The following STMN4 variants were observed in gnomAD, a reference collection of about 807,000 sequenced individuals.
The protein encoded by STMN4 is stathmin 4.
A neutral mutation model predicts 29.1 loss-of-function variants in STMN4; 12 were observed. The ratio of observed to expected loss-of-function variants is 0.41; its 90% confidence interval spans 0.26 to 0.67. The LOEUF (loss-of-function observed/expected upper bound fraction) is 0.67, where lower values mean the gene tolerates loss of function less well. Ranked by LOEUF, STMN4 falls within the 30% of genes least tolerant of loss-of-function variation. The pLI is 0.30. For missense variants in STMN4, 181 were observed against 262.8 expected, an observed-to-expected ratio of 0.69 and a Z score of 2.15; for synonymous variants, 114 against 105.3, an observed-to-expected ratio of 1.08 and a Z score of -0.51.
chr8:27,243,671 G>T, intron 2 of STMN4, 40 bp downstream of exon 2: 1 of 1,595,512 alleles, frequency 6.3e-7, no homozygotes, highest in Non-Finnish European at 8.6e-7. Context: ...AGGGCAGGGG[G>T]AATAGCCTAC....
intron 2 of STMN4, 84 bp from the exon 3 acceptor site, chr8:27,242,576 G>T: frequency 7.1e-7 from 1 of 1,408,192 alleles, no homozygotes; most frequent in Non-Finnish European, 9.9e-7. Flanking sequence ...GCTCTGAGCA[G>T]CCCAGGGTTC....
chr8:27,242,427 G>C lies in STMN4; in HGVS notation c.79C>G (p.Pro27Ala), dbSNP rs188049311. ...SLFCSCFLAD[P>A]LNKSSYKYEG... ...TATTTGTAGGACGACTTATTCAGGG[G>C]ATCGGCCAGGAAGCAGGAGCAGAAC... The change falls in exon 3 of 7, where the codon CCC becomes GCC. Residue 27 changes from proline (P) to alanine (A), a missense_variant. Pro to Ala is a conservative substitution (Grantham distance 27, BLOSUM62 -1). Coordinates refer to ENST00000350889, the MANE Select transcript of STMN4 (RefSeq NM_030795.4). 1 of 1,614,202 alleles carries C rather than the reference G, an allele frequency of 6.2e-7. No individual in the cohort carries two copies. Among genetic ancestry groups the C allele is most frequent in the Admixed American group, 1.7e-5 (1 of 60,028 alleles).
At position 27,240,281 on chromosome 8, in the gene STMN4, A is replaced by T. The variant is rs956127630; in HGVS notation, c.400-119T>A. On this transcript the variant is annotated intron_variant, in intron 5 of 6. Coordinates refer to ENST00000350889, the MANE Select transcript of STMN4 (RefSeq NM_030795.4). ...ACTCACCTCCCTGGGCCTGGTCCCC[A>T]GACCATTAGCAGGAAACAAGGACAC... is the stretch of plus-strand genomic sequence containing the variant. 9 of 1,078,132 alleles carry T rather than the reference A, an allele frequency of 8.3e-6. No individual in the cohort carries two copies. In the African/African-American group the frequency reaches 1.3e-4, roughly 15 times the overall value. The allele number at this position is 1,078,132 out of a possible 1,614,324, so 66.8% of individuals were successfully genotyped here.
chr8:27,258,215 A>G (rs1230613978), intron 1 of STMN4, 136 bp downstream of exon 1: 4 of 152,224 alleles, frequency 2.6e-5, no homozygotes, highest in South Asian at 2.1e-4. Context: ...AAGATCTGAC[A>G]AAGTTTAAAT....
intron 3 of STMN4, chr8:27,242,155 G>A: frequency 1.7e-6 from 1 of 582,588 alleles, no homozygotes; most frequent in South Asian, 2.1e-5. Context: ...ATGCACAGAG[G>A]TGACAAGATC....
intron 1 of STMN4, among the ~76,000 whole-genome samples, chr8:27,244,331 G>A (rs1435081507): frequency 1.3e-5 from 2 of 152,104 alleles, no homozygotes; most frequent in East Asian, 1.9e-4. Flanking sequence ...TTCCCAAGAC[G>A]ACTGACCTAA....
intron 1 of STMN4, among the ~76,000 whole-genome samples, chr8:27,250,905 A>C (rs904307588): frequency 1.3e-5 from 2 of 152,186 alleles, no homozygotes; most frequent in Non-Finnish European, 2.9e-5. Context: ...ACAGCCCCAA[A>C]TAATCCACAA....
intron 3 of STMN4, 64 bp downstream of exon 3, chr8:27,242,333 G>T: frequency 2.0e-6 from 3 of 1,496,572 alleles, no homozygotes; most frequent in South Asian, 2.3e-5. Context: ...CGGGGTGCAG[G>T]ACCTATGAGG....
chr8:27,252,913 T>G lies in STMN4; in HGVS notation c.-79+5438A>C, dbSNP rs535456613. On this transcript the variant is annotated intron_variant, in intron 1 of 6. Transcript: ENST00000350889. ...CATGCTTAAAATTCTCACCATTATATCTATCCTTCAGCTCAGGCATTGCCT... is the reference window on the plus strand; with the variant it reads ...CATGCTTAAAATTCTCACCATTATAGCTATCCTTCAGCTCAGGCATTGCCT... Among the ~76,000 whole-genome samples, 607 of 152,318 alleles carry G rather than the reference T, an allele frequency of 4.0e-3. 1 individual carries two copies. Among genetic ancestry groups the G allele is most frequent in the South Asian group, 6.0e-3 (29 of 4,818 alleles).
At chr8:27,238,242 ACAGGGT>A (rs1362149485) in intron 6 of STMN4, among the ~76,000 whole-genome samples, 3 of 152,224 alleles carry the variant, frequency 2.0e-5, no homozygotes, top group Non-Finnish European at 4.4e-5. Context: ...AGTCTGGTAC[ACAGGGT>A]CAGTGACCCA....
chr8:27,253,692 T>A (rs1251630164), intron 1 of STMN4, among the ~76,000 whole-genome samples: 1 of 148,558 alleles, frequency 6.7e-6, no homozygotes, highest in African/African-American at 2.4e-5. Context: ...GTGACCATCA[T>A]TGATACCATT....
chr8:27,241,047 C>A lies in STMN4; in HGVS notation c.399+7G>T. 1 of 1,611,340 alleles carries A rather than the reference C, an allele frequency of 6.2e-7. No individual in the cohort carries two copies. The stretch of plus-strand genomic sequence containing the variant: ...GAGGGAGGAAAGAAGGAAGGGTCAG[C>A]ATTTACCTTCCTTCGCTCCTCAGCC... On this transcript the variant is annotated splice_region_variant and intron_variant, in intron 5 of 6. Coordinates refer to ENST00000350889, the MANE Select transcript of STMN4 (RefSeq NM_030795.4).
At chr8:27,247,979 C>T (rs1331572986) in intron 1 of STMN4, among the ~76,000 whole-genome samples, 1 of 152,164 alleles carries the variant, frequency 6.6e-6, no homozygotes, top group Non-Finnish European at 1.5e-5. Flanking sequence ...TTCATTGCAT[C>T]CAGCAGCAAC....
At chr8:27,243,663 G>A in intron 2 of STMN4, 48 bp downstream of exon 2, 2 of 1,583,880 alleles carry the variant, frequency 1.3e-6, no homozygotes, top group South Asian at 1.1e-5. Context: ...GTTGGGTGAG[G>A]GCAGGGGGAA....
chr8:27,241,518 C>T (rs574877477), intron 4 of STMN4, among the ~76,000 whole-genome samples, 159 bp downstream of exon 4: 39 of 152,310 alleles, frequency 2.6e-4, no homozygotes, highest in African/African-American at 9.4e-4. Flanking sequence ...ACACTGGCTG[C>T]TTTTGCCTTT....
chr8:27,240,648 C>T (rs1317602531), intron 5 of STMN4, among the ~76,000 whole-genome samples: 1 of 152,122 alleles, frequency 6.6e-6, no homozygotes, highest in Non-Finnish European at 1.5e-5. Context: ...GTATCAGAAT[C>T]AAGCCATGAG....
At chr8:27,237,026 T>C in intron 6 of STMN4, 121 bp from the exon 7 acceptor site, 1 of 1,095,634 alleles carries the variant, frequency 9.1e-7, no homozygotes, top group Non-Finnish European at 1.3e-6. Flanking sequence ...AAGAGCTCTG[T>C]CTGCAAAGGC....
At chr8:27,257,763 T>G (rs1410349340) in intron 1 of STMN4, among the ~76,000 whole-genome samples, 1 of 151,672 alleles carries the variant, frequency 6.6e-6, no homozygotes, top group Non-Finnish European at 1.5e-5. Context: ...AGTTTTCAGC[T>G]TTGGAGCCAG....
chr8:27,252,305 T>C (rs1328829385), intron 1 of STMN4, among the ~76,000 whole-genome samples: 1 of 152,248 alleles, frequency 6.6e-6, no homozygotes, highest in East Asian at 1.9e-4. Flanking sequence ...GCATGATTTA[T>C]AGTCCTTTGG....
Sources: gnomAD v4.1 joint callset for allele counts (sites outside exome capture counted in the v4.1 genomes callset) on GRCh38, gnomAD v4.1.1 for gene constraint, MANE v1.5 for transcripts, NCBI Gene and HGNC (gene_info 2026-07-23, HGNC 2026-07-21) for gene names.